Variants in CCSER1 observed in about 807,000 individuals in gnomAD.
CCSER1 encodes the protein serine-rich coiled-coil domain-containing protein 1.
Under a neutral mutation model 82.0 loss-of-function variants are expected in CCSER1, and 41 were observed. The observed-to-expected ratio is 0.50, with a 90% CI of 0.39 to 0.65. CCSER1 has a LOEUF of 0.65. Among genes scored for constraint, CCSER1 ranks in the 30% least tolerant of loss-of-function variants. The pLI is 0.00. For synonymous variants in CCSER1, 414 were observed against 383.9 expected (o/e 1.08, Z -0.92); for missense variants, 1,119 against 1,064.2 (o/e 1.05, Z -0.72).
At position 90,822,921 on chromosome 4, in the gene CCSER1, C is replaced by A. The variant is rs189211176; in HGVS notation, c.2094+7076C>A. Among the ~76,000 whole-genome samples the A allele has an allele frequency of 3.0e-3, 461 of 152,092 alleles. 4 individuals carry two copies. Among genetic ancestry groups the A allele is most frequent in the Middle Eastern group, 6.8e-3 (2 of 294 alleles). On this transcript the variant is annotated intron_variant, in intron 8 of 10. Coordinates refer to ENST00000509176, the MANE Select transcript of CCSER1 (RefSeq NM_001145065.2). ...TACTTATTATGTTTTCTTTCATAAT[C>A]TTCCTCTGTTTACTAACATTACAAC...
At chr4:90,987,553 G>T (rs1052532724) in intron 9 of CCSER1, among the ~76,000 whole-genome samples, 7 of 151,402 alleles carry the variant, frequency 4.6e-5, no homozygotes, top group African/African-American at 1.5e-4. Context: ...TATGCTACTT[G>T]TACCAAGGCA....
At chr4:90,283,181 T>C (rs1477871231) in intron 1 of CCSER1, among the ~76,000 whole-genome samples, 1 of 152,006 alleles carries the variant, frequency 6.6e-6, no homozygotes, top group African/African-American at 2.4e-5. Context: ...ATATTTCTAA[T>C]AGAAACGCTA....
At chr4:91,106,360 T>A (rs1348323333) in intron 10 of CCSER1, among the ~76,000 whole-genome samples, 1 of 152,320 alleles carries the variant, frequency 6.6e-6, no homozygotes, top group African/African-American at 2.4e-5. Flanking sequence ...CTAGAAAATA[T>A]GTCTCCAGTG....
chr4:91,524,562 T>C (rs1242222530), intron 10 of CCSER1, among the ~76,000 whole-genome samples: 1 of 152,174 alleles, frequency 6.6e-6, no homozygotes, highest in Admixed American at 6.5e-5. Context: ...TTGATATTAA[T>C]TGCTAGTAAT....
intron 10 of CCSER1, among the ~76,000 whole-genome samples, chr4:91,520,292 T>C (rs1353404935): frequency 2.1e-5 from 3 of 140,480 alleles, no homozygotes; most frequent in Non-Finnish European, 4.6e-5. Context: ...TTCAATAGTA[T>C]ACAAAACTGT....
chr4:91,597,621 A>G (rs187472495), intron 10 of CCSER1, among the ~76,000 whole-genome samples: 21 of 152,218 alleles, frequency 1.4e-4, no homozygotes, highest in Middle Eastern at 3.4e-3. Flanking sequence ...ATATTAATAT[A>G]AGTAATATTA....
At chr4:91,581,638 A>T (rs77217952) in intron 10 of CCSER1, among the ~76,000 whole-genome samples, 5,762 of 151,772 alleles carry the variant, frequency 0.038, 170 homozygotes, top group Non-Finnish European at 0.058. Flanking sequence ...TTAAATCTCT[A>T]GTTATGTACA....
intron 8 of CCSER1, among the ~76,000 whole-genome samples, chr4:90,866,452 A>G (rs1180876907): frequency 6.6e-6 from 1 of 152,072 alleles, no homozygotes; most frequent in Non-Finnish European, 1.5e-5. Flanking sequence ...GATAGTTTGT[A>G]TAGGCATTAG....
At chr4:91,354,908 T>C (rs549028491) in intron 10 of CCSER1, among the ~76,000 whole-genome samples, 2 of 152,340 alleles carry the variant, frequency 1.3e-5, no homozygotes, top group East Asian at 1.9e-4. Context: ...AAGTCTGAAA[T>C]ACTGGTTCTG....
intron 1 of CCSER1, among the ~76,000 whole-genome samples, chr4:90,189,478 G>T (rs938696097): frequency 6.6e-6 from 1 of 151,744 alleles, no homozygotes; most frequent in African/African-American, 2.4e-5. Flanking sequence ...TGAGCATATG[G>T]ATGTGCGCAA....
intron 10 of CCSER1, among the ~76,000 whole-genome samples, chr4:91,534,796 C>T (rs1761213726): frequency 6.6e-6 from 1 of 151,834 alleles, no homozygotes; most frequent in East Asian, 1.9e-4. Context: ...TTACTTTGGA[C>T]ATTTTATAGT....
chr4:91,502,612 G>T (rs539229059), intron 10 of CCSER1, among the ~76,000 whole-genome samples: 2 of 152,270 alleles, frequency 1.3e-5, no homozygotes, highest in Admixed American at 6.5e-5. Context: ...ACTGCAGCAG[G>T]TCTCATTTGC....
intron 7 of CCSER1, among the ~76,000 whole-genome samples, chr4:90,796,066 C>T (rs552558366): frequency 6.6e-6 from 1 of 151,920 alleles, no homozygotes; most frequent in Non-Finnish European, 1.5e-5. Flanking sequence ...CAGGAAGAAA[C>T]ATACTGGCTC....
chr4:91,107,859 C>T (rs1725779650), intron 10 of CCSER1, among the ~76,000 whole-genome samples: 1 of 152,004 alleles, frequency 6.6e-6, no homozygotes, highest in Admixed American at 6.6e-5. Context: ...GCTACCATTT[C>T]CATTTTCTTT....
At chr4:91,275,297 G>GT (rs757350305) in intron 10 of CCSER1, among the ~76,000 whole-genome samples, 135 of 145,762 alleles carry the variant, frequency 9.3e-4, no homozygotes, top group African/African-American at 1.4e-3. Flanking sequence ...GCCAGCATCT[G>GT]TTTTTTTTTG....
chr4:91,554,159 T>C (rs1762298551), intron 10 of CCSER1, among the ~76,000 whole-genome samples: 1 of 148,418 alleles, frequency 6.7e-6, no homozygotes, highest in African/African-American at 2.5e-5. Context: ...TTCACAGGCA[T>C]GTTGTTTAAT....
intron 10 of CCSER1, among the ~76,000 whole-genome samples, chr4:91,311,527 C>G (rs186958758): frequency 1.1e-4 from 17 of 151,948 alleles, no homozygotes; most frequent in Non-Finnish European, 1.5e-4. Context: ...ATTGAACATG[C>G]CTATTATCTT....
In CCSER1 at chr4:91,054,726, G is replaced by C. The variant is rs138902366; in HGVS notation, c.2173-31224G>C. 4.1e-3 allele frequency among the ~76,000 whole-genome samples: 623 copies of C among 152,006 alleles called. 4 individuals carry two copies. Among genetic ancestry groups the C allele is most frequent in the African/African-American group, 0.014 (596 of 41,474 alleles). The stretch of plus-strand genomic sequence containing the variant: ...GATTTTTTTTTGGGGCGGTGGGGTT[G>C]GTGGGGGTGGATTTGGAAGTGTTTG... On this transcript the variant is annotated intron_variant, in intron 9 of 10. Transcript: ENST00000509176.
intron 5 of CCSER1, among the ~76,000 whole-genome samples, chr4:90,483,433 T>G (rs1186904300): frequency 1.3e-5 from 2 of 152,198 alleles, no homozygotes; most frequent in Admixed American, 6.5e-5. Context: ...ACCTGATTGT[T>G]TTGCTTGTTA....
Sources: allele counts gnomAD v4.1 joint callset (sites outside exome capture counted in the v4.1 genomes callset), GRCh38; gene constraint gnomAD v4.1.1; transcripts MANE v1.5; gene names NCBI Gene and HGNC (gene_info 2026-07-23, HGNC 2026-07-21).